ERO1B: variants seen among roughly 807,000 people sequenced by gnomAD.
ERO1B encodes the protein ERO1-like protein beta.
A neutral mutation model predicts 75.3 loss-of-function variants in ERO1B; 49 were observed. That is an observed-to-expected ratio of 0.65 (90% CI 0.52 to 0.83). The LOEUF (loss-of-function observed/expected upper bound fraction) is 0.83. Ranked by LOEUF, ERO1B falls within the 40% of genes least tolerant of loss-of-function variation. The pLI is 0.00. For missense variants in ERO1B, 512 were observed against 560.1 expected (o/e 0.91, Z 0.87); for synonymous variants, 191 against 192.9 (o/e 0.99, Z 0.08).
intron 8 of ERO1B, among the ~76,000 whole-genome samples, chr1:236,234,311 G>A (rs1243037143): frequency 6.6e-6 from 1 of 151,996 alleles, no homozygotes; most frequent in African/African-American, 2.4e-5. Context: ...CACTAACATG[G>A]AAATGAAGTG....
Position 236,216,634 on chromosome 1 carries a change from A to C in ERO1B, c.*1882T>G, listed in dbSNP as rs987075059. 6.6e-6 allele frequency: 1 copy of C among 152,100 alleles called. No individual in the cohort carries two copies. The highest frequency in any genetic ancestry group is 2.4e-5 in the African/African-American group (1 of 41,436). The allele number at this position is 152,100 out of a possible 1,614,324, so 9.4% of individuals were successfully genotyped here. On this transcript the variant is annotated 3_prime_UTR_variant, in exon 16 of 16. Coordinates refer to ENST00000354619, the MANE Select transcript of ERO1B (RefSeq NM_019891.4). The stretch of plus-strand genomic sequence containing the variant: ...AATCACAGTACAGAAAAAAACAATA[A>C]ATGGACATGAGCGAGGATTTTCTCC...
chr1:236,254,171 A>G (rs1049836222), intron 2 of ERO1B, among the ~76,000 whole-genome samples: 1 of 152,190 alleles, frequency 6.6e-6, no homozygotes, highest in Non-Finnish European at 1.5e-5. Flanking sequence ...AGGACATTTT[A>G]ACCATGGTAA....
chr1:236,215,346 A>C lies in ERO1B; in HGVS notation c.*3170T>G, dbSNP rs1488355490. Among the ~76,000 whole-genome samples the C allele has an allele frequency of 6.6e-6, 1 of 152,190 alleles. No homozygotes were observed. The highest frequency in any genetic ancestry group is 1.5e-5 in the Non-Finnish European group (1 of 68,026). ...GTAATTGTACCTACCTACTAGTGCTATTGTGAAGATTAACGGTGTATTCTT... is the reference window on the plus strand; with the variant it reads ...GTAATTGTACCTACCTACTAGTGCTCTTGTGAAGATTAACGGTGTATTCTT... On this transcript the variant is annotated 3_prime_UTR_variant, in exon 16 of 16. Transcript: ENST00000354619.
At chr1:236,220,190 C>CT (rs1410741914) in intron 15 of ERO1B, 1 of 149,954 alleles carries the variant, frequency 6.7e-6, no homozygotes, top group Non-Finnish European at 1.5e-5. Flanking sequence ...CTCAAGTTGA[C>CT]TTTTTTCTCT....
intron 8 of ERO1B, among the ~76,000 whole-genome samples, 181 bp from the exon 9 acceptor site, chr1:236,233,020 C>T (rs1426245061): frequency 6.6e-6 from 1 of 152,046 alleles, no homozygotes; most frequent in Non-Finnish European, 1.5e-5. Context: ...ATAAGATTTG[C>T]ACATTTTGGC....
chr1:236,276,987 A>T (rs1271456061), intron 1 of ERO1B, among the ~76,000 whole-genome samples: 2 of 152,170 alleles, frequency 1.3e-5, no homozygotes, highest in African/African-American at 2.4e-5. Flanking sequence ...AAAAGTGTGC[A>T]GCACTTCCCC....
At chr1:236,221,034 A>C in intron 14 of ERO1B, 69 bp from the exon 15 acceptor site, 2 of 1,176,246 alleles carry the variant, frequency 1.7e-6, no homozygotes, top group Non-Finnish European at 2.3e-6. Flanking sequence ...GCTTAAAGGA[A>C]TATATAGCCA....
intron 1 of ERO1B, among the ~76,000 whole-genome samples, chr1:236,275,707 TAAGTC>T (rs948205689): frequency 1.3e-5 from 2 of 152,198 alleles, no homozygotes; most frequent in African/African-American, 2.4e-5. Flanking sequence ...GTCCCCGTCT[TAAGTC>T]ATTTCATTAC....
chr1:236,266,228 C>A (rs1300012602), intron 2 of ERO1B, among the ~76,000 whole-genome samples: 2 of 152,250 alleles, frequency 1.3e-5, no homozygotes, highest in Non-Finnish European at 2.9e-5. Context: ...ATACCAGCTA[C>A]AGCAGCCAAC....
intron 2 of ERO1B, among the ~76,000 whole-genome samples, chr1:236,261,842 TG>T (rs1665299852): frequency 6.6e-6 from 1 of 151,540 alleles, no homozygotes. Flanking sequence ...GAAGCAGAGG[TG>T]GGAGGATCAG....
chr1:236,240,106 T>C (rs1428546191), intron 6 of ERO1B, among the ~76,000 whole-genome samples: 2 of 151,692 alleles, frequency 1.3e-5, no homozygotes, highest in Non-Finnish European at 2.9e-5. Flanking sequence ...GGTTTTGCCA[T>C]GTTGGCCAAG....
intron 1 of ERO1B, among the ~76,000 whole-genome samples, chr1:236,274,372 TAAG>T (rs897332658): frequency 2.6e-5 from 4 of 152,238 alleles, no homozygotes; most frequent in African/African-American, 9.6e-5. Flanking sequence ...TTATTTGCAC[TAAG>T]AAGGTACAAT....
chr1:236,260,386 G>T (rs546244471), intron 2 of ERO1B, among the ~76,000 whole-genome samples: 41 of 152,284 alleles, frequency 2.7e-4, no homozygotes, highest in African/African-American at 9.1e-4. Context: ...GGCACTGGGC[G>T]CAGTGGCTCA....
At chr1:236,274,317 T>G (rs1665663827) in intron 1 of ERO1B, among the ~76,000 whole-genome samples, 1 of 152,220 alleles carries the variant, frequency 6.6e-6, no homozygotes, top group Non-Finnish European at 1.5e-5. Context: ...TAATCTATGC[T>G]TTAATTTTTG....
intron 1 of ERO1B, among the ~76,000 whole-genome samples, chr1:236,277,538 G>T (rs1464119100): frequency 6.6e-6 from 1 of 152,254 alleles, no homozygotes; most frequent in East Asian, 1.9e-4. Flanking sequence ...CAAGGAATGA[G>T]ACCTAACATA....
intron 6 of ERO1B, among the ~76,000 whole-genome samples, chr1:236,239,845 ATATGTG>A (rs1451195137): frequency 5.2e-4 from 59 of 112,780 alleles, no homozygotes; most frequent in Non-Finnish European, 9.0e-4. Context: ...GTGTATATAT[ATATGTG>A]TATATATGTA....
intron 5 of ERO1B, among the ~76,000 whole-genome samples, chr1:236,243,886 TAATTTA>T (rs1241114638): frequency 6.6e-6 from 1 of 152,182 alleles, no homozygotes; most frequent in Non-Finnish European, 1.5e-5. Context: ...AGAATTCTTT[TAATTTA>T]AATTGTGTCT....
chr1:236,234,765 T>TAAAACACTCCCCGTCTAAAG, intron 8 of ERO1B, among the ~76,000 whole-genome samples: 1 of 152,294 alleles, frequency 6.6e-6, no homozygotes, highest in African/African-American at 2.4e-5. Flanking sequence ...TCAAATTTCT[T>TAAAACACTCCCCGTCTAAAG]AAAACACTCC....
intron 3 of ERO1B, among the ~76,000 whole-genome samples, chr1:236,252,547 G>A (rs1270139015): frequency 1.3e-5 from 2 of 152,110 alleles, no homozygotes; most frequent in Non-Finnish European, 1.5e-5. Flanking sequence ...TGGCCCACAC[G>A]ATTAACCTAG....
Sources: allele counts gnomAD v4.1 joint callset (sites outside exome capture counted in the v4.1 genomes callset), GRCh38; gene constraint gnomAD v4.1.1; transcripts MANE v1.5; gene names NCBI Gene and HGNC (gene_info 2026-07-23, HGNC 2026-07-21).